The following ENTHD1 variants were observed in gnomAD, a reference collection of about 807,000 sequenced individuals.
ENTHD1 encodes the protein ENTH domain containing 1.
ENTHD1 carries 23 observed loss-of-function variants against 39.1 expected under a neutral mutation model. The ratio of observed to expected loss-of-function variants is 0.59; its 90% CI spans 0.42 to 0.83. The LOEUF is 0.83. Ranked by LOEUF, ENTHD1 falls within the 40% of genes least tolerant of loss-of-function variation. The pLI is 0.00. For synonymous variants in ENTHD1, 230 were observed against 258.2 expected (o/e 0.89, Z 1.05); for missense variants, 624 against 705.4 (o/e 0.88, Z 1.31).
At chr22:39,843,534 G>A (rs982334104) in intron 3 of ENTHD1, among the ~76,000 whole-genome samples, 3 of 151,684 alleles carry the variant, frequency 2.0e-5, no homozygotes, top group Non-Finnish European at 2.9e-5. Flanking sequence ...TGGGTGCAGC[G>A]CACCAGCGTG....
chr22:39,875,565 G>A, intron 2 of ENTHD1: 3 of 1,610,944 alleles, frequency 1.9e-6, no homozygotes, highest in Non-Finnish European at 2.5e-6. Flanking sequence ...TCTGAATACC[G>A]CCGCCTTGAA....
intron 6 of ENTHD1, among the ~76,000 whole-genome samples, chr22:39,755,320 AG>A (rs2065176691): frequency 6.6e-6 from 1 of 152,142 alleles, no homozygotes; most frequent in Non-Finnish European, 1.5e-5. Context: ...GATGAGTAGG[AG>A]TGAACCAGGG....
At chr22:39,888,489 G>A (rs2066401702) in intron 1 of ENTHD1, among the ~76,000 whole-genome samples, 1 of 151,506 alleles carries the variant, frequency 6.6e-6, no homozygotes, top group African/African-American at 2.4e-5. Context: ...GTGCAGTGGT[G>A]CGATCTTGGC....
intron 3 of ENTHD1, among the ~76,000 whole-genome samples, chr22:39,836,529 G>A (rs970923930): frequency 3.9e-5 from 6 of 152,158 alleles, no homozygotes; most frequent in Non-Finnish European, 8.8e-5. Flanking sequence ...CTTTATTACT[G>A]CAGTGTGAAT....
In ENTHD1 at chr22:39,835,920, G is replaced by C. The variant is rs534656585; in HGVS notation, c.631C>G (p.Gln211Glu). Residue 211 changes from glutamine (Q) to glutamate (E), a missense_variant, in exon 4 of 7, where the codon CAA (glutamine) becomes GAA (glutamate). Physicochemically the swap from Gln to Glu is conservative, Grantham distance 29. Transcript: ENST00000325157. ...CKAGLKQEHCQDVHLPTETML... is the reference protein window; with the variant it reads ...CKAGLKQEHCEDVHLPTETML... The stretch of plus-strand genomic sequence containing the variant: ...GTTTCTGTAGGCAAATGAACATCTT[G>C]GCAATGCTCTTGTTTCAATCCTGCC... 43 of 1,608,994 alleles carry C rather than the reference G, an allele frequency of 2.7e-5. No homozygotes were observed. The South Asian group carries it at 4.8e-4, about 18-fold the overall frequency.
chr22:39,814,408 C>T (rs890321996), intron 5 of ENTHD1, among the ~76,000 whole-genome samples: 6 of 151,916 alleles, frequency 3.9e-5, no homozygotes, highest in Admixed American at 2.0e-4. Flanking sequence ...TGCAGTGAAC[C>T]GCAATTGTGC....
At chr22:39,774,842 C>T (rs930785005) in intron 5 of ENTHD1, among the ~76,000 whole-genome samples, 4 of 152,136 alleles carry the variant, frequency 2.6e-5, no homozygotes, top group African/African-American at 4.8e-5. Flanking sequence ...AAATGTTCCT[C>T]GTCTCTTTAT....
Position 39,743,456 on chromosome 22 carries a change from C to A in ENTHD1, c.*223G>T. The A allele has an allele frequency of 2.1e-6, 1 of 471,004 alleles. No homozygotes were observed. Among genetic ancestry groups the A allele is most frequent in the Non-Finnish European group, 3.6e-6 (1 of 275,944 alleles). 29.2% of individuals were successfully genotyped at this position (471,004 alleles called of 1,614,324 possible). On this transcript the variant is annotated 3_prime_UTR_variant, in exon 7 of 7. Coordinates refer to ENST00000325157, the MANE Select transcript of ENTHD1 (RefSeq NM_152512.4). The stretch of plus-strand genomic sequence containing the variant: ...GAAATTCTCTTCTGTTTCAAATGAA[C>A]TAATATCTAAATCTGAAATTATCAA...
intron 2 of ENTHD1, among the ~76,000 whole-genome samples, chr22:39,868,770 TAAAC>T (rs2066211431): frequency 6.6e-6 from 1 of 152,128 alleles, no homozygotes; most frequent in Non-Finnish European, 1.5e-5. Context: ...CTTAAACAAT[TAAAC>T]AAGCAAAAAA....
At chr22:39,795,189 A>G (rs749349970) in intron 5 of ENTHD1, among the ~76,000 whole-genome samples, 8 of 152,084 alleles carry the variant, frequency 5.3e-5, no homozygotes, top group Non-Finnish European at 1.2e-4. Flanking sequence ...GATTTTTACA[A>G]CTATGTTCAT....
At chr22:39,875,890 T>C in intron 2 of ENTHD1, 2 of 1,614,000 alleles carry the variant, frequency 1.2e-6, no homozygotes, top group East Asian at 2.2e-5. Context: ...ACCCACAGCA[T>C]GATCTAGATC....
intron 5 of ENTHD1, among the ~76,000 whole-genome samples, chr22:39,802,911 T>G (rs1360240750): frequency 6.6e-6 from 1 of 152,214 alleles, no homozygotes; most frequent in African/African-American, 2.4e-5. Context: ...CTATCTCAAA[T>G]CTGCCCACTT....
chr22:39,868,549 C>T (rs535389456), intron 2 of ENTHD1, among the ~76,000 whole-genome samples: 141 of 152,230 alleles, frequency 9.3e-4, no homozygotes, highest in African/African-American at 3.3e-3. Flanking sequence ...AAACACCACG[C>T]TGGACATTGA....
intron 6 of ENTHD1, among the ~76,000 whole-genome samples, chr22:39,754,735 C>T (rs2065172252): frequency 6.6e-6 from 1 of 152,298 alleles, no homozygotes; most frequent in Non-Finnish European, 1.5e-5. Context: ...GGCTATCTCC[C>T]TCTACCTCAC....
chr22:39,758,691 G>T (rs1277788125), intron 6 of ENTHD1, among the ~76,000 whole-genome samples: 2 of 152,170 alleles, frequency 1.3e-5, no homozygotes, highest in Non-Finnish European at 2.9e-5. Context: ...TTCCCAAAGT[G>T]CTGGGATTAC....
intron 5 of ENTHD1, among the ~76,000 whole-genome samples, chr22:39,818,706 A>T (rs1200153228): frequency 6.6e-6 from 1 of 152,212 alleles, no homozygotes; most frequent in Non-Finnish European, 1.5e-5. Context: ...GACTACTGTA[A>T]AGGAAAGATT....
rs1336151655 is a variant in ENTHD1, at chr22:39,743,609, A to G, written c.*70T>C. 1 of 1,475,194 alleles carries G rather than the reference A, an allele frequency of 6.8e-7. No homozygotes were observed. Among genetic ancestry groups the G allele is most frequent in the Admixed American group, 2.5e-5 (1 of 40,526 alleles). The allele number at this position is 1,475,194 out of a possible 1,614,324, so 91.4% of individuals were successfully genotyped here. A position where few individuals can be genotyped will look rare whatever the true frequency, so the allele number is the denominator to read the frequency against. ...TTTTTTGCCATAATAATATGAATTT[A>G]TACAATGCTAACGTAAGTCTTGGGG... On this transcript the variant is annotated 3_prime_UTR_variant, in exon 7 of 7. Coordinates refer to ENST00000325157, the MANE Select transcript of ENTHD1 (RefSeq NM_152512.4).
At chr22:39,875,519 T>A in intron 2 of ENTHD1, 1 of 1,604,140 alleles carries the variant, frequency 6.2e-7, no homozygotes, top group East Asian at 2.2e-5. Flanking sequence ...TGCTTCTGTT[T>A]GTTATTCCCA....
At chr22:39,845,662 T>C (rs555323804) in intron 3 of ENTHD1, among the ~76,000 whole-genome samples, 1 of 152,342 alleles carries the variant, frequency 6.6e-6, no homozygotes, top group African/African-American at 2.4e-5. Context: ...AATTCGTAAT[T>C]GTTTCTTGTC....
Sources: gnomAD v4.1 joint callset for allele counts (sites outside exome capture counted in the v4.1 genomes callset) on GRCh38, gnomAD v4.1.1 for gene constraint, MANE v1.5 for transcripts, NCBI Gene and HGNC (gene_info 2026-07-23, HGNC 2026-07-21) for gene names.